Variants in PLB1 observed in about 807,000 individuals in gnomAD.
PLB1 encodes the protein phospholipase B1, also known as phospholipase B1, membrane-associated.
In PLB1, 242 loss-of-function variants were observed where a neutral mutation model predicts 227.4. The observed-to-expected ratio is 1.06, with a 90% CI of 0.96 to 1.18. The LOEUF is 1.18. Among genes scored for constraint, PLB1 ranks in the 50% most tolerant of loss-of-function variants. The pLI is 0.00. For missense variants in PLB1, 1,858 were observed against 1,816.3 expected, an observed-to-expected ratio of 1.02 and a Z score of -0.42; for synonymous variants, 757 against 682.2, an observed-to-expected ratio of 1.11 and a Z score of -1.71.
At position 28,578,130 on chromosome 2, in the gene PLB1, G is replaced by A. The variant is rs1335976014; in HGVS notation, c.1457G>A (p.Arg486Lys). The change falls in exon 22 of 58, where the codon AGG becomes AAG. Residue 486 changes from arginine (R) to lysine (K), a missense_variant. Physicochemically the swap from Arg to Lys is conservative, Grantham distance 26. Coordinates refer to ENST00000327757, the MANE Select transcript of PLB1 (RefSeq NM_153021.5). ...AGGGATCTACCTGTCCAGGCCAGGAGGCTGGTGGACCTGATGAAGAATGAC... is the reference window on the plus strand; with the variant it reads ...AGGGATCTACCTGTCCAGGCCAGGAAGCTGGTGGACCTGATGAAGAATGAC... Reference protein sequence around the residue: ...RAEDLPVQARRLVDLMKNDTR... With the variant: ...RAEDLPVQARKLVDLMKNDTR... The A allele has an allele frequency of 6.2e-7, 1 of 1,614,078 alleles. No individual in the cohort carries two copies. Among genetic ancestry groups the A allele is most frequent in the African/African-American group, 1.3e-5 (1 of 74,946 alleles).
At chr2:28,555,565 A>T (rs911352825) in intron 17 of PLB1, among the ~76,000 whole-genome samples, 1 of 152,232 alleles carries the variant, frequency 6.6e-6, no homozygotes, top group Non-Finnish European at 1.5e-5. Context: ...TGGTGAGGTC[A>T]TACACTCTTC....
intron 8 of PLB1, 95 bp downstream of exon 8, chr2:28,529,874 A>G (rs6725577): frequency 0.93 from 1,154,249 of 1,242,454 alleles, 537,361 homozygotes; most frequent in East Asian, 0.99. Flanking sequence ...CCATTTTACC[A>G]TGAACTCGGC....
intron 54 of PLB1, 107 bp downstream of exon 54, chr2:28,630,771 C>T (rs988548691): frequency 9.2e-6 from 8 of 872,278 alleles, no homozygotes; most frequent in Admixed American, 7.9e-5. Context: ...CAAGCCACTC[C>T]CTAAAAGCAG....
intron 21 of PLB1, among the ~76,000 whole-genome samples, chr2:28,577,676 A>C (rs1679209670): frequency 6.6e-6 from 1 of 152,176 alleles, no homozygotes; most frequent in Non-Finnish European, 1.5e-5. Context: ...CCCCATCTCT[A>C]CTAAAAATAC....
chr2:28,581,404 C>G (rs1679916200), intron 23 of PLB1, among the ~76,000 whole-genome samples: 1 of 64,686 alleles, frequency 1.5e-5, no homozygotes, highest in Non-Finnish European at 3.0e-5. Context: ...GCTCGGACAT[C>G]CCCATGTTAG....
In PLB1 at chr2:28,620,594, C is replaced by T. The variant is rs753925192; in HGVS notation, c.3384-6C>T. 2.5e-6 allele frequency: 4 copies of T among 1,612,644 alleles called. No homozygotes were observed. In the Admixed American group the frequency reaches 6.7e-5, roughly 27 times the overall value. On this transcript the variant is annotated splice_region_variant and splice_polypyrimidine_tract_variant and intron_variant, in intron 47 of 57. Coordinates refer to ENST00000327757, the MANE Select transcript of PLB1 (RefSeq NM_153021.5). The stretch of plus-strand genomic sequence containing the variant: ...GAGTTTAACAAATATGCTTTCTCCT[C>T]CCCAGCATTGGAGGGGATGGGAACT...
At chr2:28,529,613 C>A in intron 7 of PLB1, 115 bp from the exon 8 acceptor site, 1 of 1,139,786 alleles carries the variant, frequency 8.8e-7, no homozygotes, top group Non-Finnish European at 1.3e-6. Flanking sequence ...CCTTCAGAAG[C>A]CAGGGGTGGA....
rs770588214 is a variant in PLB1 at position 28,601,964 on chromosome 2, G to A, written c.2673G>A (p.Glu891=). ...LRNALDVLHR[E]VPRVLVNLVD... ...ATGCCTTGGACGTCCTGCATAGAGA[G>A]GTGGGTGGGGGGCTTCCACAAGCTG... The change falls in exon 38 of 58, where the codon GAG becomes GAA. Residue 891 remains glutamate, a splice_region_variant and synonymous_variant. Coordinates refer to ENST00000327757, the MANE Select transcript of PLB1 (RefSeq NM_153021.5). 2.9e-5 allele frequency: 46 copies of A among 1,608,926 alleles called. No individual in the cohort carries two copies. The highest frequency in any genetic ancestry group is 3.7e-5 in the Non-Finnish European group (44 of 1,175,512).
intron 57 of PLB1, among the ~76,000 whole-genome samples, chr2:28,641,718 C>G (rs556750214): frequency 6.6e-6 from 1 of 152,166 alleles, no homozygotes; most frequent in African/African-American, 2.4e-5. Context: ...CTGCAATGGT[C>G]TTCCTCCCTC....
chr2:28,563,095 T>C lies in PLB1; in HGVS notation c.1202T>C (p.Leu401Pro), dbSNP rs199568726. ...GTAATTGGAGCCCTGGGTGACTCTC[T>C]CACGGTAAGTGACCCTGATGCAGAA... ...INVIGALGDS[L>P]TAGNGAGSTP... The change falls in exon 18 of 58, where the codon CTC (leucine) becomes CCC (proline). Residue 401 changes from leucine (L) to proline (P), a missense_variant. Transcript: ENST00000327757. The C allele has an allele frequency of 1.4e-5, 22 of 1,612,628 alleles. No homozygotes were observed. The African/African-American group carries it at 2.3e-4, about 17-fold the overall frequency.
At chr2:28,621,383 G>A (rs766098738) in intron 49 of PLB1, among the ~76,000 whole-genome samples, 2 of 152,166 alleles carry the variant, frequency 1.3e-5, no homozygotes, top group Admixed American at 1.3e-4. Context: ...TCAGCACCTC[G>A]ACAACTGAGT....
chr2:28,539,996 G>A, intron 11 of PLB1, among the ~76,000 whole-genome samples: 1 of 123,144 alleles, frequency 8.1e-6, no homozygotes, highest in Non-Finnish European at 1.7e-5. Flanking sequence ...CCCCCAGGGA[G>A]AGCTTCCCTC....
intron 9 of PLB1, among the ~76,000 whole-genome samples, chr2:28,532,966 C>T (rs187699910): frequency 1.1e-4 from 16 of 152,118 alleles, no homozygotes; most frequent in Non-Finnish European, 1.8e-4. Flanking sequence ...AAATCTAAGC[C>T]ATGGTGAAAT....
intron 39 of PLB1, 80 bp downstream of exon 39, chr2:28,603,001 G>C (rs1384520731): frequency 5.5e-6 from 7 of 1,262,054 alleles, no homozygotes; most frequent in Non-Finnish European, 6.9e-6. Context: ...GATGCCTCAG[G>C]GTCTTTGTGA....
chr2:28,631,051 G>A (rs1688556711), intron 54 of PLB1, among the ~76,000 whole-genome samples: 1 of 151,942 alleles, frequency 6.6e-6, no homozygotes, highest in African/African-American at 2.4e-5. Flanking sequence ...CTACTCAGGA[G>A]GCTGAGATGG....
chr2:28,542,375 C>G lies in PLB1; in HGVS notation c.879+564C>G, dbSNP rs547223579. Among the ~76,000 whole-genome samples, 199 of 152,250 alleles carry G rather than the reference C, an allele frequency of 1.3e-3. 2 individuals are homozygous for G. The highest frequency in any genetic ancestry group is 3.4e-3 in the Middle Eastern group (1 of 294). ...GGCAGGGCAGCCCAGGGTGCATGGC[C>G]TAGCTTCCCCTCCTAGCTCTGGGGT... is the stretch of plus-strand genomic sequence containing the variant. On this transcript the variant is annotated intron_variant, in intron 13 of 57. Coordinates refer to ENST00000327757, the MANE Select transcript of PLB1 (RefSeq NM_153021.5).
chr2:28,508,167 T>A (rs762715719), intron 1 of PLB1, among the ~76,000 whole-genome samples: 10 of 152,186 alleles, frequency 6.6e-5, no homozygotes, highest in Non-Finnish European at 1.5e-4. Context: ...CGTACTTGAC[T>A]AGGTTAAGGA....
rs1050920382 is a variant in PLB1, at chr2:28,589,375, G to A, written c.1816-75G>A. The stretch of plus-strand genomic sequence containing the variant: ...GTCAGATTCTGTTTAATTCTGTGTT[G>A]GAGAAAGAGATCAATCAAGGACCGA... On this transcript the variant is annotated intron_variant, in intron 26 of 57. Coordinates refer to ENST00000327757, the MANE Select transcript of PLB1 (RefSeq NM_153021.5). 34 of 1,102,392 alleles carry A rather than the reference G, an allele frequency of 3.1e-5. 1 individual carries two copies. In the African/African-American group the frequency reaches 5.1e-4, roughly 17 times the overall value. 68.3% of individuals were successfully genotyped at this position (1,102,392 alleles called of 1,614,324 possible).
chr2:28,565,063 CAG>C (rs1676651207), intron 18 of PLB1, among the ~76,000 whole-genome samples: 1 of 152,184 alleles, frequency 6.6e-6, no homozygotes, highest in Non-Finnish European at 1.5e-5. Flanking sequence ...TAGAATGAAG[CAG>C]AGCTGGGAGT....
Sources: allele counts gnomAD v4.1 joint callset (sites outside exome capture counted in the v4.1 genomes callset), GRCh38; gene constraint gnomAD v4.1.1; transcripts MANE v1.5; gene names NCBI Gene and HGNC (gene_info 2026-07-23, HGNC 2026-07-21).